Variants in FOXN1 observed in about 807,000 individuals in gnomAD.
FOXN1 encodes the protein forkhead box N1, also known as forkhead box protein N1.
In FOXN1, 15 loss-of-function variants were observed where a neutral mutation model predicts 49.0. The observed-to-expected ratio is 0.31, with a 90% CI of 0.20 to 0.47. FOXN1 has a LOEUF of 0.47. Among genes scored for constraint, FOXN1 ranks in the 20% least tolerant of loss-of-function variants. The pLI, the probability that FOXN1 is intolerant of heterozygous loss-of-function variation, is 1.00. For synonymous variants in FOXN1, 356 were observed against 369.0 expected (o/e 0.96, Z 0.40); for missense variants, 800 against 842.8 (o/e 0.95, Z 0.63).
In FOXN1 at chr17:28,534,230, T is replaced by C; in HGVS notation, c.928-101T>C. On this transcript the variant is annotated intron_variant, in intron 6 of 8. Transcript: ENST00000579795. This position sits in a 1 kb window ranked among gnomAD's most constrained non-coding sequence, Gnocchi z 4.1. ...CAAGCCCCAGAGTGGGCGGCAGCTC[T>C]GTGCCCAGAGGAGAAACAGGAGTGT... 1 of 1,584,622 alleles carries C rather than the reference T, an allele frequency of 6.3e-7. No homozygotes were observed. The highest frequency in any genetic ancestry group is 8.6e-7 in the Non-Finnish European group (1 of 1,161,558).
chr17:28,510,522 A>G (rs2151474052), intron 1 of FOXN1, among the ~76,000 whole-genome samples: 2 of 150,850 alleles, frequency 1.3e-5, no homozygotes, highest in Middle Eastern at 3.4e-3. Flanking sequence ...CCAGCCCATC[A>G]GTCTCGGAAG....
chr17:28,510,150 C>A (rs1411996429), intron 1 of FOXN1, among the ~76,000 whole-genome samples: 1 of 152,114 alleles, frequency 6.6e-6, no homozygotes, highest in Non-Finnish European at 1.5e-5. Context: ...CTGACCCTCG[C>A]CCTCCACCCC....
intron 8 of FOXN1, 140 bp from the exon 9 acceptor site, chr17:28,536,977 G>A: frequency 1.4e-6 from 1 of 731,416 alleles, no homozygotes; most frequent in African/African-American, 1.7e-5. Context: ...GGGGTCACAA[G>A]CTAGTGCCAG....
At chr17:28,507,331 G>A (rs1555606280) in intron 1 of FOXN1, among the ~76,000 whole-genome samples, 1 of 152,186 alleles carries the variant, frequency 6.6e-6, no homozygotes, top group Non-Finnish European at 1.5e-5. Flanking sequence ...ATCCAAAGAA[G>A]CCCGTTGGAT....
chr17:28,527,846 C>T (rs62066766), intron 4 of FOXN1, among the ~76,000 whole-genome samples: 5,814 of 152,320 alleles, frequency 0.038, 155 homozygotes, highest in Non-Finnish European at 0.053. Flanking sequence ...ACCTTCCCAC[C>T]CAGAGGACTC....
intron 3 of FOXN1, 137 bp from the exon 4 acceptor site, chr17:28,527,114 T>C: frequency 2.8e-6 from 2 of 716,278 alleles, no homozygotes; most frequent in Non-Finnish European, 5.1e-6. Context: ...TCTGCCCTTC[T>C]CTGTTCTCTG....
chr17:28,510,771 C>G (rs1555606899), intron 1 of FOXN1, among the ~76,000 whole-genome samples: 2 of 152,334 alleles, frequency 1.3e-5, no homozygotes, highest in Middle Eastern at 3.4e-3. Context: ...GCACCAAGAG[C>G]ATGTGGCTTC....
At chr17:28,535,249 C>T (rs897156140) in intron 8 of FOXN1, 51 bp downstream of exon 8, 12 of 1,589,698 alleles carry the variant, frequency 7.5e-6, no homozygotes, top group Non-Finnish European at 8.6e-6. Context: ...AGAGGAGCAC[C>T]TGGCAGTGGG....
At chr17:28,517,792 A>T (rs2069553976) in intron 1 of FOXN1, among the ~76,000 whole-genome samples, 1 of 140,380 alleles carries the variant, frequency 7.1e-6, no homozygotes, top group African/African-American at 2.8e-5. Flanking sequence ...ATACCTCCAC[A>T]GGGTACACAC....
intron 1 of FOXN1, among the ~76,000 whole-genome samples, chr17:28,518,414 G>A (rs1339348897): frequency 6.6e-6 from 1 of 152,244 alleles, no homozygotes; most frequent in Non-Finnish European, 1.5e-5. Context: ...TGAGTCCTAA[G>A]GAGCCAAGAG....
rs776188603 is a variant in FOXN1 at position 28,529,099 on chromosome 17, G to A, written c.705G>A (p.Ser235=). The change falls in exon 5 of 9, where the codon TCG becomes TCA. Residue 235 remains serine (S), a synonymous_variant. Coordinates refer to ENST00000579795, the MANE Select transcript of FOXN1 (RefSeq NM_001369369.1). ...CSSQPPFHQY[S]PGGGSYPIPY... ...GCCCCTTTTGACCTCCTCAGTACTC[G>A]CCAGGTGGTGGCAGCTACCCCATAC... is the stretch of plus-strand genomic sequence containing the variant. 32 of 1,613,930 alleles carry A rather than the reference G, an allele frequency of 2.0e-5. No homozygotes were observed. Among genetic ancestry groups the A allele is most frequent in the Admixed American group, 5.0e-5 (3 of 59,996 alleles).
chr17:28,523,578 G>A (rs773903508), intron 1 of FOXN1, among the ~76,000 whole-genome samples: 1 of 152,180 alleles, frequency 6.6e-6, no homozygotes, highest in Non-Finnish European at 1.5e-5. Flanking sequence ...CTTCTCTGTA[G>A]ACACAGGAGA....
At chr17:28,536,879 A>C (rs2070077775) in intron 8 of FOXN1, among the ~76,000 whole-genome samples, 1 of 152,156 alleles carries the variant, frequency 6.6e-6, no homozygotes, top group South Asian at 2.1e-4. Flanking sequence ...CCCCCCAAAA[A>C]GAACCACAGA....
At chr17:28,507,026 C>T (rs1239751551) in intron 1 of FOXN1, among the ~76,000 whole-genome samples, 1 of 152,206 alleles carries the variant, frequency 6.6e-6, no homozygotes, top group Non-Finnish European at 1.5e-5. Context: ...AGGTGGCAAA[C>T]AGGTGCTGTG....
chr17:28,537,384 C>A lies in FOXN1; in HGVS notation c.1895C>A (p.Ala632Glu). The change falls in exon 9 of 9, where the codon GCA (alanine) becomes GAA (glutamate). Residue 632 changes from alanine to glutamate, a missense_variant. Ala to Glu is a moderately radical substitution (Grantham distance 107). Coordinates refer to ENST00000579795, the MANE Select transcript of FOXN1 (RefSeq NM_001369369.1). ...GAGCCCACGCCCCCCACGGCCCCTG[C>A]AGGCCCCTCTGTGTACCTCAGCCCC... ...ELEPTPPTAP[A>E]GPSVYLSPSS... is the part of the protein sequence containing the mutation. 6.2e-7 allele frequency: 1 copy of A among 1,613,084 alleles called. No homozygotes were observed. The highest frequency in any genetic ancestry group is 8.5e-7 in the Non-Finnish European group (1 of 1,179,600).
chr17:28,521,964 G>A (rs1424215538), intron 1 of FOXN1, among the ~76,000 whole-genome samples: 1 of 152,220 alleles, frequency 6.6e-6, no homozygotes, highest in Non-Finnish European at 1.5e-5. Context: ...TGGGTAGAAG[G>A]AGTGAGTGTA....
chr17:28,524,025 T>C lies in FOXN1; in HGVS notation c.56T>C (p.Leu19Pro), dbSNP rs370010190. 3.9e-4 allele frequency: 629 copies of C among 1,612,488 alleles called. No homozygotes were observed. Among genetic ancestry groups the C allele is most frequent in the Non-Finnish European group, 5.1e-4 (596 of 1,179,900 alleles). Residue 19 changes from leucine to proline, a missense_variant, in exon 2 of 9, where the codon CTG (leucine) becomes CCG (proline). Physicochemically the swap from Leu to Pro is moderately conservative, Grantham distance 98. Coordinates refer to ENST00000579795, the MANE Select transcript of FOXN1 (RefSeq NM_001369369.1). ...SDVTLPGPTR[L>P]EGERQGDLMQ... The stretch of plus-strand genomic sequence containing the variant: ...GTCACGCTGCCGGGCCCCACCAGAC[T>C]GGAGGGCGAGCGCCAAGGGGACCTC...
Position 28,534,191 on chromosome 17 carries a change from G to A in FOXN1, c.928-140G>A. 2.5e-6 allele frequency: 3 copies of A among 1,210,116 alleles called. No individual in the cohort carries two copies. The highest frequency in any genetic ancestry group is 3.6e-6 in the Non-Finnish European group (3 of 839,324). 75.0% of individuals were successfully genotyped at this position (1,210,116 alleles called of 1,614,324 possible). Reference sequence around the variant, plus strand: ...AAAGGGTACCAAGCAAGGGATGGGTGCTGAGGAGGACAACAAGCCCCAGAG... The same window carrying A: ...AAAGGGTACCAAGCAAGGGATGGGTACTGAGGAGGACAACAAGCCCCAGAG... On this transcript the variant is annotated intron_variant, in intron 6 of 8. Coordinates refer to ENST00000579795, the MANE Select transcript of FOXN1 (RefSeq NM_001369369.1). This position sits in a 1 kb window ranked among gnomAD's most constrained non-coding sequence, Gnocchi z 4.1.
At chr17:28,507,187 G>A (rs1401854319) in intron 1 of FOXN1, among the ~76,000 whole-genome samples, 1 of 152,182 alleles carries the variant, frequency 6.6e-6, no homozygotes, top group African/African-American at 2.4e-5. Context: ...TGGGGGCGTG[G>A]GAAGTGAAGG....
Sources: gnomAD v4.1 joint callset for allele counts (sites outside exome capture counted in the v4.1 genomes callset) on GRCh38, gnomAD v4.1.1 for gene constraint, Gnocchi (gnomAD v3.1) non-coding constraint, MANE v1.5 for transcripts, NCBI Gene and HGNC (gene_info 2026-07-23, HGNC 2026-07-21) for gene names.